SRGAP3: variants seen among roughly 807,000 people sequenced by gnomAD.
SRGAP3 encodes SLIT-ROBO Rho GTPase activating protein 3, also known as SLIT-ROBO Rho GTPase-activating protein 3.
Under a neutral mutation model 121.1 loss-of-function variants are expected in SRGAP3, and 39 were observed. The ratio of observed to expected loss-of-function variants is 0.32; its 90% CI spans 0.25 to 0.42. The LOEUF is 0.42. SRGAP3 is among the 10% of genes least tolerant of loss of function. SRGAP3 has a pLI of 1.00. For missense variants in SRGAP3, 1,213 were observed against 1,470.6 expected (o/e 0.82, Z 2.86); for synonymous variants, 601 against 570.0 (o/e 1.05, Z -0.77).
intron 3 of SRGAP3, among the ~76,000 whole-genome samples, chr3:9,271,292 C>A (rs528742878): frequency 1.3e-5 from 2 of 152,206 alleles, no homozygotes; most frequent in South Asian, 2.1e-4. Context: ...CAAGATCACA[C>A]CACCGCACTC....
chr3:9,004,666 A>G (rs1206482743), intron 18 of SRGAP3, among the ~76,000 whole-genome samples: 3 of 152,242 alleles, frequency 2.0e-5, no homozygotes, highest in African/African-American at 4.8e-5. Context: ...AGACCATTCA[A>G]TGTGGAAAAG....
intron 2 of SRGAP3, among the ~76,000 whole-genome samples, chr3:9,115,525 T>G (rs1406305225): frequency 6.6e-6 from 1 of 152,150 alleles, no homozygotes; most frequent in Non-Finnish European, 1.5e-5. Context: ...GGGAATTTGG[T>G]GTGGGACCTG....
intron 1 of SRGAP3, among the ~76,000 whole-genome samples, chr3:9,168,252 G>A (rs993401872): frequency 6.6e-6 from 1 of 152,216 alleles, no homozygotes; most frequent in East Asian, 1.9e-4. Context: ...TCCTTTGCTT[G>A]GATCTGGACA....
intron 1 of SRGAP3, among the ~76,000 whole-genome samples, chr3:9,225,113 T>C (rs1952942823): frequency 1.3e-5 from 2 of 152,122 alleles, no homozygotes; most frequent in South Asian, 4.1e-4. Context: ...CAGTTCTCTG[T>C]CTCTCACCAG....
intron 1 of SRGAP3, among the ~76,000 whole-genome samples, chr3:9,232,264 A>G (rs1309760132): frequency 4.6e-5 from 7 of 152,182 alleles, no homozygotes; most frequent in African/African-American, 1.7e-4. Flanking sequence ...AATTTTGCCA[A>G]CAAAGTCCTT....
At chr3:9,359,509 T>C (rs2030687980) in intron 1 of SRGAP3, among the ~76,000 whole-genome samples, 1 of 152,124 alleles carries the variant, frequency 6.6e-6, no homozygotes, top group Admixed American at 6.5e-5. Context: ...TATCAAAAAG[T>C]GATTGGACAA....
chr3:9,100,301 G>T (rs1304518723), intron 3 of SRGAP3, among the ~76,000 whole-genome samples: 1 of 152,006 alleles, frequency 6.6e-6, no homozygotes, highest in Non-Finnish European at 1.5e-5. Flanking sequence ...CATTCAGCAG[G>T]CTCTTATTCA....
At chr3:9,081,761 T>G (rs1947253939) in intron 3 of SRGAP3, among the ~76,000 whole-genome samples, 1 of 152,242 alleles carries the variant, frequency 6.6e-6, no homozygotes, top group Non-Finnish European at 1.5e-5. Context: ...ATCTCTAGGT[T>G]CCATGCAGCT....
intron 18 of SRGAP3, among the ~76,000 whole-genome samples, chr3:9,009,260 A>G (rs975160436): frequency 6.6e-6 from 1 of 152,140 alleles, no homozygotes; most frequent in African/African-American, 2.4e-5. Flanking sequence ...CTCTCCTGAC[A>G]AATGTGGTGG....
intron 2 of SRGAP3, among the ~76,000 whole-genome samples, chr3:9,115,586 T>C (rs1334495699): frequency 6.6e-6 from 1 of 152,132 alleles, no homozygotes; most frequent in Non-Finnish European, 1.5e-5. Context: ...CTACAGCCAT[T>C]GCAAAATCCA....
Position 9,324,936 on chromosome 3 carries a change from G to A in SRGAP3, n.442+1074C>T, listed in dbSNP as rs537715917. On this transcript the variant is annotated intron_variant and non_coding_transcript_variant, in intron 3 of 3. Coordinates refer to the SRGAP3 transcript ENST00000490889. Reference sequence around the variant, plus strand: ...CGCGCCACTGCACTCCAGCCTGGGCGACAGAGCCAGACTCCATCTCAAAAA... The same window carrying A: ...CGCGCCACTGCACTCCAGCCTGGGCAACAGAGCCAGACTCCATCTCAAAAA... Among the ~76,000 whole-genome samples the A allele has an allele frequency of 8.0e-5, 12 of 150,650 alleles. No individual in the cohort carries two copies. In the East Asian group the frequency reaches 1.4e-3, roughly 17 times the overall value.
chr3:9,120,332 A>C (rs1316674806), intron 2 of SRGAP3, among the ~76,000 whole-genome samples: 1 of 152,248 alleles, frequency 6.6e-6, no homozygotes, highest in Non-Finnish European at 1.5e-5. Context: ...GATGGCACGC[A>C]GGTGCAGGGC....
chr3:9,119,135 A>G (rs1440434037), intron 2 of SRGAP3, among the ~76,000 whole-genome samples: 1 of 152,150 alleles, frequency 6.6e-6, no homozygotes, highest in Non-Finnish European at 1.5e-5. Flanking sequence ...GACGATGACA[A>G]TACAGGGCTG....
chr3:9,228,865 AT>A (rs1157773760), intron 1 of SRGAP3, among the ~76,000 whole-genome samples: 2 of 151,782 alleles, frequency 1.3e-5, no homozygotes, highest in Admixed American at 6.6e-5. Context: ...GATCGAGACC[AT>A]CCTGGCTAAC....
intron 3 of SRGAP3, among the ~76,000 whole-genome samples, chr3:9,281,291 CAG>C (rs1156989344): frequency 6.6e-6 from 1 of 152,182 alleles, no homozygotes; most frequent in Non-Finnish European, 1.5e-5. Flanking sequence ...GCTCTGCATA[CAG>C]GGCTGAGGAC....
At chr3:9,342,608 C>G (rs1955808100) in intron 1 of SRGAP3, among the ~76,000 whole-genome samples, 3 of 152,328 alleles carry the variant, frequency 2.0e-5, no homozygotes, top group South Asian at 4.1e-4. Flanking sequence ...CTTGTTATAC[C>G]ATGGGTGGGC....
intron 3 of SRGAP3, among the ~76,000 whole-genome samples, chr3:9,308,966 A>C (rs918990454): frequency 6.6e-6 from 1 of 152,088 alleles, no homozygotes; most frequent in Non-Finnish European, 1.5e-5. Context: ...TCACATCCTC[A>C]TATGTCGTTC....
intron 1 of SRGAP3, among the ~76,000 whole-genome samples, chr3:9,240,521 C>T (rs926740144): frequency 1.3e-5 from 2 of 152,156 alleles, no homozygotes; most frequent in Non-Finnish European, 2.9e-5. Context: ...CTACTCAGCT[C>T]TGCCTCCCCA....
chr3:9,248,761 G>A, intron 1 of SRGAP3, 124 bp downstream of exon 1: 1 of 1,014,988 alleles, frequency 9.9e-7, no homozygotes, highest in Non-Finnish European at 1.5e-6. Context: ...CTCACAAAAA[G>A]ATTATTGATG....
Sources: gnomAD v4.1 joint callset for allele counts (sites outside exome capture counted in the v4.1 genomes callset) on GRCh38, gnomAD v4.1.1 for gene constraint, MANE v1.5 for transcripts, NCBI Gene and HGNC (gene_info 2026-07-23, HGNC 2026-07-21) for gene names.